PRSS36: variants seen among roughly 807,000 people sequenced by gnomAD.
PRSS36 encodes serine protease 36, also known as polyserase-2.
Under a neutral mutation model 94.3 loss-of-function variants are expected in PRSS36, and 90 were observed. The observed-to-expected ratio is 0.95, with a 90% confidence interval of 0.80 to 1.14. PRSS36 has a LOEUF of 1.14. PRSS36 is among the 50% of genes most tolerant of loss of function. The pLI is 0.00. For synonymous variants in PRSS36, 500 were observed against 489.6 expected (o/e 1.02, Z -0.28); for missense variants, 1,158 against 1,135.0 (o/e 1.02, Z -0.29).
chr16:31,142,521 C>T lies in PRSS36; in HGVS notation c.1481G>A (p.Cys494Tyr). 6.6e-7 allele frequency: 1 copy of T among 1,517,558 alleles called. No homozygotes were observed. The allele number at this position is 1,517,558 out of a possible 1,614,324, so 94.0% of individuals were successfully genotyped here. ...CTCCTCCTTTTCCTGGTAGGCAGGG[C>T]AGAGCGCGTGCGGCGGGTCTCCGGG... ...PLPGDPPHAL[C>Y]PAYQEKEEVG... is the part of the protein sequence containing the mutation. The change falls in exon 10 of 15, where the codon TGC (cysteine) becomes TAC (tyrosine). Residue 494 changes from cysteine to tyrosine, a missense_variant. Coordinates refer to ENST00000268281, the MANE Select transcript of PRSS36 (RefSeq NM_173502.5).
At chr16:31,142,668 C>T in intron 9 of PRSS36, 24 bp from the exon 10 acceptor site, 1 of 1,413,790 alleles carries the variant, frequency 7.1e-7, no homozygotes, top group Non-Finnish European at 9.2e-7. Context: ...GGCAGGGAGC[C>T]CGCGCTGCGG....
At position 31,142,451 on chromosome 16, in the gene PRSS36, C is replaced by A. The variant is rs370608889; in HGVS notation, c.1521+30G>T. ...TCTTCCTAGAGCCCTCTCGGGCCCG[C>A]GTTCCGCGGGCCCCGCCCCCGCCGC... On this transcript the variant is annotated intron_variant, in intron 10 of 14. Transcript: ENST00000268281. The A allele has an allele frequency of 6.4e-4, 909 of 1,421,076 alleles. 14 individuals are homozygous for A. In the East Asian group the frequency reaches 0.02, roughly 31 times the overall value. The allele number at this position is 1,421,076 out of a possible 1,614,324, so 88.0% of individuals were successfully genotyped here.
Position 31,139,036 on chromosome 16 carries a change from G to GTCGCC in PRSS36, c.*101_*102insGGCGA. The GTCGCC allele has an allele frequency of 6.6e-6, 9 of 1,355,618 alleles. No homozygotes were observed. The highest frequency in any genetic ancestry group is 2.3e-5 in the Admixed American group (1 of 42,776). The allele number at this position is 1,355,618 out of a possible 1,614,324, so 84.0% of individuals were successfully genotyped here. ...AGCCAGAGCCGCTGCAATCTCGGTG[G>GTCGCC]GTGGGGCCCTTGAGGTTCCAGCCGG... On this transcript the variant is annotated 3_prime_UTR_variant, in exon 15 of 15. Coordinates refer to ENST00000268281, the MANE Select transcript of PRSS36 (RefSeq NM_173502.5).
intron 5 of PRSS36, 58 bp from the exon 6 acceptor site, chr16:31,146,013 AG>A: frequency 6.5e-7 from 1 of 1,528,712 alleles, no homozygotes. Context: ...CCCAGTTCCC[AG>A]GGTTCAGGTT....
chr16:31,145,583 A>G (rs2057787443), intron 6 of PRSS36, among the ~76,000 whole-genome samples: 1 of 152,058 alleles, frequency 6.6e-6, no homozygotes, highest in Non-Finnish European at 1.5e-5. Context: ...AGGTTGCAGT[A>G]AGCCGAGATT....
Position 31,140,373 on chromosome 16 carries a change from C to T in PRSS36, c.2210G>A (p.Cys737Tyr). ...AAVSILTQRI[C>Y]DCLYQGILPP... ...CAGGATGCCCTGATAGAGGCAGTCA[C>T]AGATTCGTTGTGTCAAGATGGAGAC... The change falls in exon 14 of 15, where the codon TGT (cysteine) becomes TAT (tyrosine). Residue 737 changes from cysteine (C) to tyrosine (Y), a missense_variant. Transcript: ENST00000268281. 6.2e-7 allele frequency: 1 copy of T among 1,614,024 alleles called. No homozygotes were observed. Among genetic ancestry groups the T allele is most frequent in the Non-Finnish European group, 8.5e-7 (1 of 1,179,984 alleles).
intron 5 of PRSS36, among the ~76,000 whole-genome samples, chr16:31,146,297 C>A (rs948190937): frequency 1.3e-5 from 2 of 152,196 alleles, no homozygotes; most frequent in African/African-American, 4.8e-5. Context: ...AGATGCCATA[C>A]GGACTTGACA....
At chr16:31,145,715 A>C in intron 6 of PRSS36, 74 bp downstream of exon 6, 1 of 1,429,322 alleles carries the variant, frequency 7.0e-7, no homozygotes, top group Non-Finnish European at 9.5e-7. Flanking sequence ...TGAGGCTTGG[A>C]GAGATGTCCT....
intron 8 of PRSS36, 144 bp downstream of exon 8, chr16:31,143,198 C>A: frequency 2.2e-6 from 3 of 1,388,194 alleles, no homozygotes; most frequent in Non-Finnish European, 2.9e-6. Flanking sequence ...CAGGCCAGGA[C>A]CCCTCTTTTT....
At chr16:31,141,447 C>T in intron 12 of PRSS36, 22 bp downstream of exon 12, 1 of 1,587,572 alleles carries the variant, frequency 6.3e-7, no homozygotes, top group Non-Finnish European at 8.6e-7. Context: ...CGTCTCTCGC[C>T]TAGGAGACGA....
chr16:31,139,916 C>G (rs1305796909), intron 14 of PRSS36, among the ~76,000 whole-genome samples: 1 of 143,942 alleles, frequency 6.9e-6, no homozygotes, highest in South Asian at 2.2e-4. Flanking sequence ...ATTCCTTGGC[C>G]GGGCGCAGTG....
Position 31,143,578 on chromosome 16 carries a change from G to A in PRSS36, c.970+10C>T, listed in dbSNP as rs768860276. On this transcript the variant is annotated intron_variant, in intron 7 of 14. Coordinates refer to ENST00000268281, the MANE Select transcript of PRSS36 (RefSeq NM_173502.5). ...TGTCCCGCTTACATCCAGGGGTGCC[G>A]CCCACTCACCAGGCAGGGCAATGGT... is the stretch of plus-strand genomic sequence containing the variant. The A allele has an allele frequency of 1.5e-5, 24 of 1,613,764 alleles. No homozygotes were observed. The highest frequency in any genetic ancestry group is 5.0e-5 in the Admixed American group (3 of 60,010).
intron 12 of PRSS36, 66 bp from the exon 13 acceptor site, chr16:31,140,823 AG>A: frequency 1.3e-6 from 2 of 1,557,950 alleles, no homozygotes; most frequent in Non-Finnish European, 1.8e-6. Context: ...TTCCCAGCCC[AG>A]GGGAAGGATG....
At chr16:31,149,417 C>T in intron 3 of PRSS36, 46 bp downstream of exon 3, 1 of 1,610,840 alleles carries the variant, frequency 6.2e-7, no homozygotes, top group Non-Finnish European at 8.5e-7. Context: ...GCCTGACCAG[C>T]CTTAGCCTCC....
chr16:31,142,534 G>A lies in PRSS36; in HGVS notation c.1468C>T (p.Pro490Ser). 1 of 1,516,540 alleles carries A rather than the reference G, an allele frequency of 6.6e-7. No individual in the cohort carries two copies. Among genetic ancestry groups the A allele is most frequent in the Admixed American group, 2.0e-5 (1 of 49,366 alleles). The allele number at this position is 1,516,540 out of a possible 1,614,324, so 93.9% of individuals were successfully genotyped here. A position where few individuals can be genotyped will look rare whatever the true frequency, so the allele number is the denominator to read the frequency against. The change falls in exon 10 of 15, where the codon CCG becomes TCG. Residue 490 changes from proline to serine, a missense_variant. By Grantham distance (74) the Pro-to-Ser change is moderately conservative. Coordinates refer to ENST00000268281, the MANE Select transcript of PRSS36 (RefSeq NM_173502.5). ...GAAVPLPGDP[P>S]HALCPAYQEK... The stretch of plus-strand genomic sequence containing the variant: ...TGGTAGGCAGGGCAGAGCGCGTGCG[G>A]CGGGTCTCCGGGCAGCGGTACTGCC...
At chr16:31,139,879 CAAAAAAAAAAA>C (rs71151448) in intron 14 of PRSS36, among the ~76,000 whole-genome samples, 25 of 42,508 alleles carry the variant, frequency 5.9e-4, no homozygotes, top group Non-Finnish European at 8.2e-4. Flanking sequence ...GACTCAGTCT[CAAAAAAAAAAA>C]AAAAAAAAAA....
At position 31,143,090 on chromosome 16, in the gene PRSS36, C is replaced by T. The variant is rs114220695; in HGVS notation, c.1101-97G>A. 5.0e-5 allele frequency: 68 copies of T among 1,372,736 alleles called. No homozygotes were observed. In the African/African-American group the frequency reaches 1.0e-3, roughly 21 times the overall value. 85.0% of individuals were successfully genotyped at this position (1,372,736 alleles called of 1,614,324 possible). A position where few individuals can be genotyped will look rare whatever the true frequency, so the allele number is the denominator to read the frequency against. Reference sequence around the variant, plus strand: ...GACTTGCCAGGCGAGGATCCTGCATCCTGGCGGGATCCCCACGACACCCCC... The same window carrying T: ...GACTTGCCAGGCGAGGATCCTGCATTCTGGCGGGATCCCCACGACACCCCC... On this transcript the variant is annotated intron_variant, in intron 8 of 14. Coordinates refer to ENST00000268281, the MANE Select transcript of PRSS36 (RefSeq NM_173502.5).
intron 14 of PRSS36, 115 bp downstream of exon 14, chr16:31,140,179 G>C: frequency 8.5e-7 from 1 of 1,172,004 alleles, no homozygotes; most frequent in Non-Finnish European, 1.2e-6. Flanking sequence ...GACAGAGTGA[G>C]ACTCTGTCTC....
chr16:31,145,976 C>A, intron 5 of PRSS36, 21 bp from the exon 6 acceptor site: 1 of 1,596,828 alleles, frequency 6.3e-7, no homozygotes. Context: ...AACCAGAGAG[C>A]AGGTGCTGTG....
Sources: gnomAD v4.1 joint callset for allele counts (sites outside exome capture counted in the v4.1 genomes callset) on GRCh38, gnomAD v4.1.1 for gene constraint, MANE v1.5 for transcripts, NCBI Gene and HGNC (gene_info 2026-07-23, HGNC 2026-07-21) for gene names.